SLC30A8: variants seen among roughly 807,000 people sequenced by gnomAD.
SLC30A8 encodes solute carrier family 30 member 8, also known as proton-coupled zinc antiporter SLC30A8.
A neutral mutation model predicts 36.9 loss-of-function variants in SLC30A8; 27 were observed. The ratio of observed to expected loss-of-function variants is 0.73; its 90% CI spans 0.54 to 1.01. SLC30A8 has a LOEUF of 1.01. Among genes scored for constraint, SLC30A8 ranks in the 50% least tolerant of loss-of-function variants. The pLI is 0.00. For synonymous variants in SLC30A8, 164 were observed against 172.4 expected (o/e 0.95, Z 0.38); for missense variants, 439 against 452.0 (o/e 0.97, Z 0.26).
At chr8:117,148,972 TCCTCATCCCAGGACATCAC>T (rs1209571447) in intron 2 of SLC30A8, among the ~76,000 whole-genome samples, 44 of 152,232 alleles carry the variant, frequency 2.9e-4, no homozygotes, top group Admixed American at 4.6e-4. Context: ...TCATGGATCT[TCCTCATCCCAGGACATCAC>T]CCTGTCTTGT....
intron 2 of SLC30A8, among the ~76,000 whole-genome samples, chr8:117,053,700 C>T (rs946316903): frequency 2.0e-5 from 3 of 152,170 alleles, no homozygotes; most frequent in African/African-American, 7.2e-5. Context: ...CTACCACAAC[C>T]CACACCCTCT....
At chr8:117,157,871 C>T in intron 4 of SLC30A8, 27 bp downstream of exon 4, 1 of 1,612,018 alleles carries the variant, frequency 6.2e-7, no homozygotes, top group Middle Eastern at 1.7e-4. Flanking sequence ...TCCCCACACA[C>T]TGCTCATGAG....
At chr8:117,104,394 C>T (rs1819879162) in intron 2 of SLC30A8, among the ~76,000 whole-genome samples, 1 of 152,172 alleles carries the variant, frequency 6.6e-6, no homozygotes. Context: ...CAAGTTTATT[C>T]TACTTTCTAA....
chr8:117,142,297 C>T (rs969225279), intron 1 of SLC30A8, among the ~76,000 whole-genome samples: 11 of 152,248 alleles, frequency 7.2e-5, no homozygotes, highest in African/African-American at 2.6e-4. Flanking sequence ...GTCAAAGCCA[C>T]CAATGTGTTG....
At chr8:117,122,240 G>A (rs1173601422) in intron 2 of SLC30A8, among the ~76,000 whole-genome samples, 1 of 151,846 alleles carries the variant, frequency 6.6e-6, no homozygotes, top group East Asian at 1.9e-4. Context: ...TAAGAGAATT[G>A]CTTACAGCTG....
At chr8:117,105,999 T>A (rs576944375) in intron 2 of SLC30A8, among the ~76,000 whole-genome samples, 2 of 152,214 alleles carry the variant, frequency 1.3e-5, no homozygotes, top group Non-Finnish European at 2.9e-5. Context: ...CATCATACTT[T>A]GTCAGACTTT....
intron 2 of SLC30A8, among the ~76,000 whole-genome samples, chr8:117,099,839 A>G (rs1586513447): frequency 6.6e-6 from 1 of 152,338 alleles, no homozygotes; most frequent in South Asian, 2.1e-4. Context: ...TTTTGGAGCC[A>G]TATATTGAAG....
chr8:117,038,596 G>A (rs78932310), intron 1 of SLC30A8, among the ~76,000 whole-genome samples: 5,928 of 152,112 alleles, frequency 0.039, 165 homozygotes, highest in South Asian at 0.062. Flanking sequence ...ATTTTCATCC[G>A]TAGATCATTG....
intron 1 of SLC30A8, among the ~76,000 whole-genome samples, chr8:117,143,767 T>C (rs571681990): frequency 6.6e-6 from 1 of 152,068 alleles, no homozygotes; most frequent in African/African-American, 2.4e-5. Context: ...TCTGGCTTAG[T>C]TCTTCAAGGA....
At chr8:117,021,733 T>A (rs1816701254) in intron 1 of SLC30A8, among the ~76,000 whole-genome samples, 3 of 152,182 alleles carry the variant, frequency 2.0e-5, no homozygotes, top group African/African-American at 7.2e-5. Context: ...CTGCAGGGTT[T>A]ACACAACCAT....
intron 1 of SLC30A8, among the ~76,000 whole-genome samples, chr8:116,959,445 T>C (rs1814341438): frequency 6.6e-6 from 1 of 152,224 alleles, no homozygotes; most frequent in South Asian, 2.1e-4. Flanking sequence ...GATCGATTTT[T>C]CTTCTCATTA....
chr8:117,073,463 T>C (rs925605706), intron 2 of SLC30A8, among the ~76,000 whole-genome samples: 2 of 152,170 alleles, frequency 1.3e-5, no homozygotes, highest in Non-Finnish European at 2.9e-5. Flanking sequence ...TTTCACCATG[T>C]TGGCCAGGCT....
intron 2 of SLC30A8, among the ~76,000 whole-genome samples, chr8:117,129,472 GA>G (rs957984159): frequency 4.0e-4 from 61 of 152,028 alleles, no homozygotes; most frequent in Non-Finnish European, 8.5e-4. Flanking sequence ...CCTTCCATAG[GA>G]AAAGTTCAAG....
chr8:117,030,158 A>G (rs760450927), intron 1 of SLC30A8, among the ~76,000 whole-genome samples: 15 of 152,036 alleles, frequency 9.9e-5, no homozygotes, highest in Admixed American at 2.6e-4. Context: ...GGGGACATGT[A>G]GCTATATATC....
chr8:117,158,216 C>T (rs1025190516), intron 4 of SLC30A8, among the ~76,000 whole-genome samples: 4 of 152,182 alleles, frequency 2.6e-5, no homozygotes, highest in Non-Finnish European at 4.4e-5. Flanking sequence ...AATCCAGATT[C>T]GCAGACCCAG....
chr8:117,100,894 T>C (rs1343813587), intron 2 of SLC30A8, among the ~76,000 whole-genome samples: 1 of 152,214 alleles, frequency 6.6e-6, no homozygotes, highest in African/African-American at 2.4e-5. Context: ...GTAACTCTTC[T>C]CTGAATCCTT....
intron 1 of SLC30A8, among the ~76,000 whole-genome samples, chr8:116,959,967 T>C (rs1814361414): frequency 6.6e-6 from 1 of 152,222 alleles, no homozygotes. Flanking sequence ...TTGGTCATCA[T>C]GCTCTCAACT....
intron 1 of SLC30A8, among the ~76,000 whole-genome samples, chr8:116,969,758 A>G (rs1305426174): frequency 6.6e-6 from 1 of 152,196 alleles, no homozygotes; most frequent in East Asian, 1.9e-4. Flanking sequence ...AAACAAAAAT[A>G]TGGTAAAAAT....
chr8:116,994,690 C>G (rs2130671572), intron 1 of SLC30A8, among the ~76,000 whole-genome samples: 1 of 152,188 alleles, frequency 6.6e-6, no homozygotes, highest in Non-Finnish European at 1.5e-5. Context: ...AGTGGTTACA[C>G]AGGTAGATCA....
Sources: gnomAD v4.1 joint callset for allele counts (sites outside exome capture counted in the v4.1 genomes callset) on GRCh38, gnomAD v4.1.1 for gene constraint, MANE v1.5 for transcripts, NCBI Gene and HGNC (gene_info 2026-07-23, HGNC 2026-07-21) for gene names.